Variants in NDEL1 observed in about 807,000 individuals in gnomAD.
The protein encoded by NDEL1 is nuclear distribution protein nudE-like 1.
NDEL1 carries 9 observed loss-of-function variants against 45.7 expected under a neutral mutation model. That is an observed-to-expected ratio of 0.20 (90% CI 0.12 to 0.34). NDEL1 has a LOEUF of 0.34. Ranked by LOEUF, NDEL1 falls within the 10% of genes least tolerant of loss-of-function variation. The probability of loss-of-function intolerance (pLI) is 1.00; values close to 1 mark genes in which losing one functional copy is unlikely to be tolerated. For synonymous variants in NDEL1, 133 were observed against 158.6 expected (o/e 0.84, Z 1.21); for missense variants, 306 against 406.2 (o/e 0.75, Z 2.12).
At chr17:8,456,586 C>T (rs1249031991) in intron 7 of NDEL1, among the ~76,000 whole-genome samples, 1 of 149,988 alleles carries the variant, frequency 6.7e-6, no homozygotes, top group East Asian at 2.0e-4. Context: ...GCAACCTCTG[C>T]CTCCCAGGTT....
At chr17:8,429,909 G>C (rs924749231) in intron 1 of NDEL1, among the ~76,000 whole-genome samples, 1 of 152,146 alleles carries the variant, frequency 6.6e-6, no homozygotes, top group Non-Finnish European at 1.5e-5. Flanking sequence ...TTTGGGGAGA[G>C]AGGGACAGAC....
At chr17:8,417,144 T>G (rs984035786) in intron 1 of NDEL1, among the ~76,000 whole-genome samples, 1 of 152,192 alleles carries the variant, frequency 6.6e-6, no homozygotes, top group Non-Finnish European at 1.5e-5. Context: ...CGAGACAGAC[T>G]CTTGCTCTGT....
intron 4 of NDEL1, 117 bp from the exon 5 acceptor site, chr17:8,448,433 T>G: frequency 2.8e-6 from 3 of 1,075,754 alleles, no homozygotes; most frequent in Non-Finnish European, 2.7e-6. Context: ...TCTTCTTTGA[T>G]TGGGGCCAGG....
intron 1 of NDEL1, among the ~76,000 whole-genome samples, chr17:8,427,002 C>T (rs1232014487): frequency 1.3e-5 from 2 of 152,222 alleles, no homozygotes; most frequent in Non-Finnish European, 1.5e-5. Flanking sequence ...AAAGCACCTT[C>T]CTGGCAAGGG....
chr17:8,418,817 C>A (rs1908634819), intron 1 of NDEL1, among the ~76,000 whole-genome samples: 1 of 124,330 alleles, frequency 8.0e-6, no homozygotes, highest in Non-Finnish European at 1.7e-5. Context: ...TCTTTTCTTT[C>A]TTCCTCTCTC....
intron 1 of NDEL1, among the ~76,000 whole-genome samples, chr17:8,430,427 A>G (rs1451235390): frequency 6.6e-6 from 1 of 152,206 alleles, no homozygotes; most frequent in African/African-American, 2.4e-5. Context: ...TGTGCATTAC[A>G]TATCACCTTC....
upstream of NDEL1, among the ~76,000 whole-genome samples, chr17:8,435,165 G>A (rs941566756): frequency 6.6e-6 from 1 of 152,048 alleles, no homozygotes; most frequent in African/African-American, 2.4e-5. Flanking sequence ...GGACCTGGAG[G>A]GGAGAAAGTC....
chr17:8,435,065 C>T (rs1400449954), upstream of NDEL1, among the ~76,000 whole-genome samples: 6 of 148,320 alleles, frequency 4.0e-5, no homozygotes, highest in Admixed American at 3.4e-4. Flanking sequence ...AGCGAAACTC[C>T]GTCTCAAAAA....
chr17:8,455,620 G>A (rs1426992732), intron 7 of NDEL1, among the ~76,000 whole-genome samples: 1 of 150,830 alleles, frequency 6.6e-6, no homozygotes, highest in East Asian at 1.9e-4. Context: ...CCAGGAGGCG[G>A]AGGTTGCAGT....
intron 6 of NDEL1, among the ~76,000 whole-genome samples, chr17:8,451,426 C>T (rs187502256): frequency 6.6e-6 from 1 of 152,174 alleles, no homozygotes; most frequent in African/African-American, 2.4e-5. Flanking sequence ...CTTCCTTTTG[C>T]CACTTTCCAT....
At chr17:8,445,476 G>A (rs115287090) in intron 2 of NDEL1, among the ~76,000 whole-genome samples, 1,374 of 52,216 alleles carry the variant, frequency 0.026, 24 homozygotes, top group African/African-American at 0.05. Context: ...ATTGAGCCAC[G>A]TAGCCTTACT....
chr17:8,454,255 A>G (rs1015615478), intron 6 of NDEL1, among the ~76,000 whole-genome samples: 2 of 125,946 alleles, frequency 1.6e-5, no homozygotes, highest in East Asian at 2.4e-4. Context: ...AGTTCTTACA[A>G]ATTGATTACA....
At chr17:8,454,016 A>C (rs1201553601) in intron 6 of NDEL1, among the ~76,000 whole-genome samples, 1 of 152,182 alleles carries the variant, frequency 6.6e-6, no homozygotes, top group African/African-American at 2.4e-5. Flanking sequence ...CTCCATTTGG[A>C]GGAAAAAATT....
rs1911122584 is a variant in NDEL1 at position 8,460,381 on chromosome 17, G to A, written c.944+221G>A. On this transcript the variant is annotated intron_variant, in intron 8 of 8. Coordinates refer to ENST00000334527, the MANE Select transcript of NDEL1 (RefSeq NM_030808.5). ...GAATCTGAGGCTTCTGTCCTGGGAA[G>A]CAGACTCTTGAAAGGCAGCAGTGTG... Among the ~76,000 whole-genome samples, 3 of 152,156 alleles carry A rather than the reference G, an allele frequency of 2.0e-5. No individual in the cohort carries two copies. In the South Asian group the frequency reaches 6.2e-4, roughly 31 times the overall value.
intron 1 of NDEL1, among the ~76,000 whole-genome samples, chr17:8,415,427 C>CATTTATTTATTT (rs111333617): frequency 0.16 from 24,103 of 148,006 alleles, 2,060 homozygotes; most frequent in Middle Eastern, 0.19. Flanking sequence ...ATAGTTTTAA[C>CATTTATTTATTT]ATTTATTTAT....
intron 8 of NDEL1, among the ~76,000 whole-genome samples, chr17:8,462,605 C>T (rs1567743322): frequency 6.6e-6 from 1 of 152,138 alleles, no homozygotes; most frequent in East Asian, 1.9e-4. Flanking sequence ...AACACAAAAG[C>T]CTGTCTGTGT....
intron 3 of NDEL1, 84 bp from the exon 4 acceptor site, chr17:8,446,670 C>CT: frequency 1.4e-6 from 2 of 1,466,334 alleles, no homozygotes; most frequent in Non-Finnish European, 9.3e-7. Context: ...TTGGGTTCCC[C>CT]CCCACCCTTT....
exon 1 of NDEL1, chr17:8,413,137 C>T (rs946995043): frequency 2.8e-5 from 4 of 144,108 alleles, no homozygotes; most frequent in African/African-American, 5.4e-5. Flanking sequence ...ATCCATTTCC[C>T]ATCCTTGCGT....
chr17:8,415,909 G>A (rs1353994564), intron 1 of NDEL1, among the ~76,000 whole-genome samples: 1 of 152,022 alleles, frequency 6.6e-6, no homozygotes, highest in Non-Finnish European at 1.5e-5. Flanking sequence ...CACCATGTCC[G>A]GCTACTTTTT....
Sources: gnomAD v4.1 joint callset for allele counts (sites outside exome capture counted in the v4.1 genomes callset) on GRCh38, gnomAD v4.1.1 for gene constraint, MANE v1.5 for transcripts, NCBI Gene and HGNC (gene_info 2026-07-23, HGNC 2026-07-21) for gene names.